Variants in ADGRD1 observed in about 807,000 individuals in gnomAD.
ADGRD1 encodes adhesion G protein-coupled receptor D1.
Under a neutral mutation model 113.4 loss-of-function variants are expected in ADGRD1, and 77 were observed. The observed-to-expected ratio is 0.68, with a 90% CI of 0.57 to 0.82. ADGRD1 has a LOEUF of 0.82. Among genes scored for constraint, ADGRD1 ranks in the 40% least tolerant of loss-of-function variants. ADGRD1 has a pLI of 0.00. For missense variants in ADGRD1, 1,036 were observed against 1,139.1 expected, an observed-to-expected ratio of 0.91 and a Z score of 1.30; for synonymous variants, 474 against 475.0, an observed-to-expected ratio of 1.00 and a Z score of 0.03.
intron 15 of ADGRD1, among the ~76,000 whole-genome samples, chr12:131,103,878 G>A (rs759327549): frequency 3.3e-5 from 5 of 152,162 alleles, no homozygotes; most frequent in South Asian, 4.1e-4. Flanking sequence ...AGCACGTGGC[G>A]CCCTCCTGCA....
chr12:130,980,136 G>A (rs538203667), intron 4 of ADGRD1, among the ~76,000 whole-genome samples: 2 of 151,366 alleles, frequency 1.3e-5, no homozygotes, highest in East Asian at 1.9e-4. Context: ...ACGGAGTCTC[G>A]CTCTGTCGCC....
chr12:130,968,798 G>A, intron 3 of ADGRD1: 1 of 588,952 alleles, frequency 1.7e-6, no homozygotes, highest in Middle Eastern at 3.1e-4. Context: ...CCGAGCTGCT[G>A]ACCAAAGTAA....
chr12:130,998,712 G>A (rs905451935), intron 8 of ADGRD1, among the ~76,000 whole-genome samples: 3 of 152,108 alleles, frequency 2.0e-5, no homozygotes, highest in African/African-American at 4.8e-5. Flanking sequence ...TGATCCACCC[G>A]TCTCAGCCTC....
At chr12:131,036,656 C>G (rs529568756) in intron 13 of ADGRD1, among the ~76,000 whole-genome samples, 306 of 144,394 alleles carry the variant, frequency 2.1e-3, no homozygotes, top group Non-Finnish European at 3.5e-3. Flanking sequence ...GCCTCACTCA[C>G]TGCACGGGGC....
At chr12:131,064,044 A>T (rs1322143249) in intron 13 of ADGRD1, among the ~76,000 whole-genome samples, 1 of 152,234 alleles carries the variant, frequency 6.6e-6, no homozygotes, top group Non-Finnish European at 1.5e-5. Flanking sequence ...TTTTTGAGTG[A>T]CTATGAACTC....
At chr12:131,021,035 GT>G (rs1879253644) in intron 13 of ADGRD1, among the ~76,000 whole-genome samples, 1 of 152,172 alleles carries the variant, frequency 6.6e-6, no homozygotes, top group Non-Finnish European at 1.5e-5. Context: ...GAGGTCAACA[GT>G]TTACAACCTC....
chr12:131,041,674 A>C lies in ADGRD1; in HGVS notation c.1473+27334A>C, dbSNP rs1049834330. Among the ~76,000 whole-genome samples the C allele has an allele frequency of 6.6e-6, 1 of 152,202 alleles. No homozygotes were observed. The highest frequency in any genetic ancestry group is 1.5e-5 in the Non-Finnish European group (1 of 68,024). ...GCTTGGCCATCCACTCAGGGACACC[A>C]GGTGCCAGAGTGGACATGTCATGCA... is the stretch of plus-strand genomic sequence containing the variant. On this transcript the variant is annotated intron_variant, in intron 13 of 24. Transcript: ENST00000261654. The surrounding 1 kb of genome is among the most constrained non-coding windows in gnomAD (Gnocchi z 4.4).
chr12:131,077,248 G>A (rs948498674), intron 14 of ADGRD1, among the ~76,000 whole-genome samples: 3 of 152,300 alleles, frequency 2.0e-5, no homozygotes, highest in South Asian at 2.1e-4. Context: ...AAGGGGGTTG[G>A]GGGAGTGGCT....
At position 130,954,761 on chromosome 12, in the gene ADGRD1, G is replaced by A. The variant is rs1294656948; in HGVS notation, c.103+101G>A. ...GTTCATCTCTGAGGCATCAGCGAAT[G>A]GCCCTTGTTGGGCTCCTGGTCCCCG... On this transcript the variant is annotated intron_variant, in intron 2 of 24. Coordinates refer to ENST00000261654, the MANE Select transcript of ADGRD1 (RefSeq NM_198827.5). This position sits in a 1 kb window ranked among gnomAD's most constrained non-coding sequence, Gnocchi z 4.7. The A allele has an allele frequency of 1.8e-6, 2 of 1,135,868 alleles. No individual in the cohort carries two copies. The highest frequency in any genetic ancestry group is 1.3e-6 in the Non-Finnish European group (1 of 755,570). 70.4% of individuals were successfully genotyped at this position (1,135,868 alleles called of 1,614,324 possible).
Position 131,064,668 on chromosome 12 carries a change from T to C in ADGRD1, c.1474-12133T>C, listed in dbSNP as rs867219574. ...CTTGGTCTCTTTAAGGAGCACATTT[T>C]CTAAATGGAGGAAATGACTCAATTG... is the stretch of plus-strand genomic sequence containing the variant. On this transcript the variant is annotated intron_variant, in intron 13 of 24. Transcript: ENST00000261654. Among the ~76,000 whole-genome samples, 7 of 152,394 alleles carry C rather than the reference T, an allele frequency of 4.6e-5. No individual in the cohort carries two copies. In the South Asian group the frequency reaches 6.2e-4, roughly 14 times the overall value.
Position 131,131,809 on chromosome 12 carries a change from G to T in ADGRD1, c.2260G>T (p.Ala754Ser), listed in dbSNP as rs756251086. Residue 754 changes from alanine to serine, a missense_variant, in exon 21 of 25, where the codon GCC becomes TCC. By Grantham distance (99) the Ala-to-Ser change is moderately conservative. Transcript: ENST00000261654. ...DNYKIHGDPS[A>S]FKLTAKAVAV... ...CTACAAGATCCATGGAGACCCCAGTGCCTTCAAGTAAGTTGACCTCAGGCT... is the reference window on the plus strand; with the variant it reads ...CTACAAGATCCATGGAGACCCCAGTTCCTTCAAGTAAGTTGACCTCAGGCT... 1 of 1,608,700 alleles carries T rather than the reference G, an allele frequency of 6.2e-7. No individual in the cohort carries two copies. The highest frequency in any genetic ancestry group is 8.5e-7 in the Non-Finnish European group (1 of 1,175,142).
chr12:131,082,300 T>G (rs1886134925), intron 14 of ADGRD1, among the ~76,000 whole-genome samples: 1 of 152,238 alleles, frequency 6.6e-6, no homozygotes, highest in Non-Finnish European at 1.5e-5. Flanking sequence ...CGTACATATC[T>G]TTAATGCTAT....
chr12:131,054,411 T>C (rs1368466387), intron 13 of ADGRD1, among the ~76,000 whole-genome samples: 1 of 152,202 alleles, frequency 6.6e-6, no homozygotes, highest in African/African-American at 2.4e-5. Flanking sequence ...TGGCCTGGCG[T>C]TTTCCACTCA....
intron 18 of ADGRD1, among the ~76,000 whole-genome samples, chr12:131,115,254 C>T (rs374811871): frequency 3.9e-5 from 6 of 152,184 alleles, no homozygotes; most frequent in Non-Finnish European, 5.9e-5. Flanking sequence ...GGCACCGCCT[C>T]GAGCTATGTG....
rs573700293 is a variant in ADGRD1, at chr12:130,966,682, G to A, written c.187+136G>A. 75 of 662,388 alleles carry A rather than the reference G, an allele frequency of 1.1e-4. No homozygotes were observed. The highest frequency in any genetic ancestry group is 7.5e-4 in the East Asian group (28 of 37,362). 41.0% of individuals were successfully genotyped at this position (662,388 alleles called of 1,614,324 possible). A position where few individuals can be genotyped will look rare whatever the true frequency, so the allele number is the denominator to read the frequency against. On this transcript the variant is annotated intron_variant, in intron 3 of 24. Transcript: ENST00000261654. The surrounding 1 kb of genome is among the most constrained non-coding windows in gnomAD (Gnocchi z 4.6). The stretch of plus-strand genomic sequence containing the variant: ...TGGGTGCTGAGAGTGACTGTGGGCC[G>A]GGGAATCCCAGGGCCATCGGGGAGC...
chr12:131,110,291 C>CT lies in ADGRD1; in HGVS notation c.2041+1417dup, dbSNP rs1307754371. Among the ~76,000 whole-genome samples the CT allele has an allele frequency of 7.3e-5, 11 of 151,724 alleles. No homozygotes were observed. The South Asian group carries it at 8.3e-4, about 11-fold the overall frequency. On this transcript the variant is annotated intron_variant, in intron 18 of 24. Transcript: ENST00000261654. ...TTGTTTCTCTATTCTTCCTTTACTT[C>CT]TTTCTTTTGAATTAAGTGAATATTT...
At chr12:131,101,307 C>T (rs1321043613) in intron 15 of ADGRD1, among the ~76,000 whole-genome samples, 1 of 150,962 alleles carries the variant, frequency 6.6e-6, no homozygotes, top group Non-Finnish European at 1.5e-5. Context: ...TGCTTTCTTT[C>T]CTTTACTAGC....
At chr12:131,078,636 A>T (rs936021952) in intron 14 of ADGRD1, among the ~76,000 whole-genome samples, 4 of 152,226 alleles carry the variant, frequency 2.6e-5, no homozygotes, top group Non-Finnish European at 4.4e-5. Flanking sequence ...AAAAGTACGG[A>T]GAATAATATA....
chr12:131,004,125 T>C, intron 10 of ADGRD1, 61 bp from the exon 11 acceptor site: 1 of 1,060,540 alleles, frequency 9.4e-7, no homozygotes, highest in Non-Finnish European at 1.5e-6. Flanking sequence ...TTTTGCAGTC[T>C]GATTTCCTGC....
Sources: allele counts gnomAD v4.1 joint callset (sites outside exome capture counted in the v4.1 genomes callset), GRCh38; gene constraint gnomAD v4.1.1; non-coding constraint Gnocchi (gnomAD v3.1); transcripts MANE v1.5; gene names NCBI Gene and HGNC (gene_info 2026-07-23, HGNC 2026-07-21).